The following NECAB1 variants were observed in gnomAD, a reference collection of about 807,000 sequenced individuals.
The protein encoded by NECAB1 is N-terminal EF-hand calcium binding protein 1.
In NECAB1, 29 loss-of-function variants were observed where a neutral mutation model predicts 57.5. The ratio of observed to expected loss-of-function variants is 0.50; its 90% CI spans 0.38 to 0.69. The LOEUF is 0.69. NECAB1 is among the 30% of genes least tolerant of loss of function. NECAB1 has a pLI of 0.00. For missense variants in NECAB1, 372 were observed against 413.8 expected, an observed-to-expected ratio of 0.90 and a Z score of 0.88; for synonymous variants, 142 against 147.7, an observed-to-expected ratio of 0.96 and a Z score of 0.28.
chr8:90,795,032 G>C (rs1481251013), intron 1 of NECAB1, among the ~76,000 whole-genome samples: 2 of 152,230 alleles, frequency 1.3e-5, no homozygotes, highest in African/African-American at 4.8e-5. Context: ...CCAGCCACAG[G>C]AGAGGGACTC....
intron 9 of NECAB1, among the ~76,000 whole-genome samples, chr8:90,938,143 G>C (rs559165229): frequency 5.6e-4 from 85 of 152,254 alleles, no homozygotes; most frequent in African/African-American, 2.0e-3. Context: ...GAAATCAAAG[G>C]CTGATGCAAC....
rs1810644963 is a variant in NECAB1, at chr8:90,940,586, G to C, written c.748-200G>C. 7.9e-6 allele frequency: 4 copies of C among 506,922 alleles called. No individual in the cohort carries two copies. The South Asian group carries it at 1.3e-4, about 16-fold the overall frequency. 31.4% of individuals were successfully genotyped at this position (506,922 alleles called of 1,614,324 possible). A position where few individuals can be genotyped will look rare whatever the true frequency, so the allele number is the denominator to read the frequency against. ...AAAGAACACGTTGTTTAGCTTCTGG[G>C]ACTAGAGGCAAGGAAAATATCTTGC... On this transcript the variant is annotated intron_variant, in intron 9 of 12. Coordinates refer to ENST00000417640, the MANE Select transcript of NECAB1 (RefSeq NM_022351.5).
At chr8:90,921,674 C>CA (rs375996431) in intron 6 of NECAB1, among the ~76,000 whole-genome samples, 7,429 of 142,896 alleles carry the variant, frequency 0.052, 310 homozygotes, top group African/African-American at 0.12. Flanking sequence ...AACTCCATCT[C>CA]AAAAAAAAAA....
intron 5 of NECAB1, among the ~76,000 whole-genome samples, chr8:90,892,572 GTGCTCTT>G (rs1292670917): frequency 3.9e-5 from 6 of 152,102 alleles, no homozygotes; most frequent in African/African-American, 1.4e-4. Flanking sequence ...TTGTTGCCTT[GTGCTCTT>G]TGCTTTATTC....
At chr8:90,819,725 C>T (rs1812113369) in intron 2 of NECAB1, among the ~76,000 whole-genome samples, 1 of 151,778 alleles carries the variant, frequency 6.6e-6, no homozygotes, top group Non-Finnish European at 1.5e-5. Flanking sequence ...GACACTTTTG[C>T]AGGTGTTTTT....
At chr8:90,824,505 G>A (rs2129706621) in intron 2 of NECAB1, among the ~76,000 whole-genome samples, 1 of 151,902 alleles carries the variant, frequency 6.6e-6, no homozygotes, top group East Asian at 1.9e-4. Context: ...CTAGAACCTT[G>A]TAGACTTATA....
At chr8:90,914,164 C>A (rs1261225981) in intron 5 of NECAB1, among the ~76,000 whole-genome samples, 1 of 152,142 alleles carries the variant, frequency 6.6e-6, no homozygotes, top group Admixed American at 6.5e-5. Context: ...ACTCTGGAGG[C>A]AGAGATGAAT....
chr8:90,893,719 A>C (rs1051392681), intron 5 of NECAB1, among the ~76,000 whole-genome samples: 5 of 152,220 alleles, frequency 3.3e-5, no homozygotes, highest in African/African-American at 1.2e-4. Context: ...CCAGCAGTGC[A>C]GGAGGCAATC....
intron 3 of NECAB1, among the ~76,000 whole-genome samples, chr8:90,862,719 A>G (rs1308221952): frequency 6.6e-6 from 1 of 152,118 alleles, no homozygotes; most frequent in Admixed American, 6.6e-5. Flanking sequence ...TTTTGAGGGG[A>G]TAAATTAATA....
chr8:90,920,518 G>A (rs994353558), intron 6 of NECAB1, among the ~76,000 whole-genome samples: 3 of 152,168 alleles, frequency 2.0e-5, no homozygotes, highest in Non-Finnish European at 4.4e-5. Flanking sequence ...AACGCCTGAT[G>A]GGAAGACAAG....
rs115694101 is a variant in NECAB1, at chr8:90,846,158, G to C, written c.233+21333G>C. Among the ~76,000 whole-genome samples the C allele has an allele frequency of 1.2e-3, 187 of 152,302 alleles. 1 individual carries two copies. Among genetic ancestry groups the C allele is most frequent in the African/African-American group, 4.5e-3 (185 of 41,564 alleles). On this transcript the variant is annotated intron_variant, in intron 3 of 12. Transcript: ENST00000417640. Reference sequence around the variant, plus strand: ...GAGATGGTGTTTGATTTTAAAGTGAGTTACACAAGATTACCTTTCCGAACC... The same window carrying C: ...GAGATGGTGTTTGATTTTAAAGTGACTTACACAAGATTACCTTTCCGAACC...
intron 5 of NECAB1, among the ~76,000 whole-genome samples, chr8:90,910,897 T>A (rs983923190): frequency 6.6e-6 from 1 of 152,186 alleles, no homozygotes; most frequent in Non-Finnish European, 1.5e-5. Context: ...TGCCTACACA[T>A]CCAGCAACAC....
intron 10 of NECAB1, among the ~76,000 whole-genome samples, chr8:90,948,498 A>C (rs114285878): frequency 6.6e-6 from 1 of 152,194 alleles, no homozygotes; most frequent in South Asian, 2.1e-4. Flanking sequence ...CTAAATCTAC[A>C]TTAATCAACT....
intron 8 of NECAB1, among the ~76,000 whole-genome samples, chr8:90,930,384 A>G (rs988291917): frequency 6.6e-6 from 1 of 152,250 alleles, no homozygotes; most frequent in African/African-American, 2.4e-5. Flanking sequence ...AGGAAGAGAC[A>G]CATGAGAGAG....
At chr8:90,822,901 C>T (rs1812167031) in intron 2 of NECAB1, among the ~76,000 whole-genome samples, 1 of 149,936 alleles carries the variant, frequency 6.7e-6, no homozygotes. Context: ...AAAGGTCTTT[C>T]TTTTTCGCTC....
intron 12 of NECAB1, among the ~76,000 whole-genome samples, chr8:90,955,091 C>A (rs1811001356): frequency 8.7e-6 from 1 of 115,068 alleles, no homozygotes; most frequent in African/African-American, 3.2e-5. Flanking sequence ...TATAGGATTT[C>A]ATAAATATTG....
At chr8:90,835,507 T>C (rs1183425220) in intron 3 of NECAB1, among the ~76,000 whole-genome samples, 2 of 152,090 alleles carry the variant, frequency 1.3e-5, no homozygotes, top group Non-Finnish European at 2.9e-5. Context: ...AGAACCCATT[T>C]TGCGGAATTT....
At chr8:90,947,303 TACACACACACACACACACACAC>T (rs71771328) in intron 10 of NECAB1, among the ~76,000 whole-genome samples, 3 of 78,280 alleles carry the variant, frequency 3.8e-5, no homozygotes, top group East Asian at 8.6e-4. Flanking sequence ...TAACAACACA[TACACACACACACACACACACAC>T]ACACACACAC....
intron 5 of NECAB1, among the ~76,000 whole-genome samples, chr8:90,910,741 T>C (rs567451201): frequency 6.6e-6 from 1 of 152,294 alleles, no homozygotes; most frequent in East Asian, 1.9e-4. Context: ...CTCATTTTTG[T>C]ACTCAACCAC....
Sources: allele counts gnomAD v4.1 joint callset (sites outside exome capture counted in the v4.1 genomes callset), GRCh38; gene constraint gnomAD v4.1.1; transcripts MANE v1.5; gene names NCBI Gene and HGNC (gene_info 2026-07-23, HGNC 2026-07-21).